Variants in SYNPO2 observed in about 807,000 individuals in gnomAD.
SYNPO2 encodes synaptopodin 2.
SYNPO2 carries 56 observed loss-of-function variants against 85.0 expected under a neutral mutation model. The observed-to-expected ratio is 0.66, with a 90% CI of 0.53 to 0.82. SYNPO2 has a LOEUF of 0.82. Ranked by LOEUF, SYNPO2 falls within the 40% of genes least tolerant of loss-of-function variation. SYNPO2 has a pLI of 0.00. For missense variants in SYNPO2, 1,575 were observed against 1,534.2 expected (o/e 1.03, Z -0.44); for synonymous variants, 602 against 591.1 (o/e 1.02, Z -0.27).
In SYNPO2 at chr4:118,866,186, C is replaced by T. The variant is rs1448446943; in HGVS notation, c.12+15246C>T. 3.3e-5 allele frequency among the ~76,000 whole-genome samples: 5 copies of T among 152,096 alleles called. No homozygotes were observed. In the East Asian group the frequency reaches 9.6e-4, roughly 29 times the overall value. ...TTGCAGTATTATTGACATTTTGGGC[C>T]AGATAATTCATTATTTGTGGTGTGA... On this transcript the variant is annotated intron_variant, in intron 1 of 4. Coordinates refer to the SYNPO2 transcript ENST00000610556.
intron 1 of SYNPO2, among the ~76,000 whole-genome samples, chr4:118,955,314 C>A (rs570625520): frequency 3.3e-5 from 5 of 152,194 alleles, no homozygotes; most frequent in African/African-American, 1.2e-4. Context: ...TTTTTAACAA[C>A]ATGCCAAACT....
intron 1 of SYNPO2, among the ~76,000 whole-genome samples, chr4:118,929,561 C>T (rs1001390177): frequency 1.3e-5 from 2 of 152,072 alleles, no homozygotes; most frequent in Admixed American, 6.6e-5. Context: ...ACTTGTACTT[C>T]ATTTATTCTT....
At chr4:119,050,721 T>A (rs1379706145) in intron 4 of SYNPO2, among the ~76,000 whole-genome samples, 16 of 152,044 alleles carry the variant, frequency 1.1e-4, no homozygotes, top group Admixed American at 1.0e-3. Context: ...TCAGTGGGAG[T>A]CTTGCATGCA....
chr4:119,038,094 T>G, intron 4 of SYNPO2: 11 of 961,536 alleles, frequency 1.1e-5, no homozygotes, highest in Non-Finnish European at 1.2e-5. Context: ...GATTTAGATA[T>G]TTGTCTGGCA....
At chr4:118,922,615 A>G (rs1046256624) in intron 1 of SYNPO2, among the ~76,000 whole-genome samples, 1 of 151,832 alleles carries the variant, frequency 6.6e-6, no homozygotes, top group Non-Finnish European at 1.5e-5. Flanking sequence ...ACTGGAACCT[A>G]CATGTTTATA....
At chr4:119,017,591 A>G (rs1578646606) in intron 1 of SYNPO2, among the ~76,000 whole-genome samples, 1 of 152,092 alleles carries the variant, frequency 6.6e-6, no homozygotes, top group Non-Finnish European at 1.5e-5. Context: ...TGAGATCACA[A>G]TCATCTCTCT....
chr4:118,941,392 C>T (rs564032854), intron 1 of SYNPO2, among the ~76,000 whole-genome samples: 116 of 152,160 alleles, frequency 7.6e-4, no homozygotes, highest in Non-Finnish European at 1.1e-3. Context: ...CAGCTCTTTC[C>T]TCACAATGCA....
intron 1 of SYNPO2, among the ~76,000 whole-genome samples, chr4:118,937,016 C>A (rs1186960692): frequency 2.0e-5 from 3 of 152,176 alleles, no homozygotes; most frequent in African/African-American, 7.2e-5. Context: ...TCATCATCAT[C>A]AGCCACTTGG....
At chr4:119,008,883 T>G (rs1737183936) in intron 1 of SYNPO2, among the ~76,000 whole-genome samples, 1 of 152,158 alleles carries the variant, frequency 6.6e-6, no homozygotes. Context: ...TTAATTAATG[T>G]GGAGATCGTT....
rs202207169 is a variant in SYNPO2, at chr4:119,026,870, T to A, written c.501T>A (p.Ala167=). Residue 167 remains alanine (A), a synonymous_variant, in exon 3 of 5, where the codon GCT becomes GCA. Coordinates refer to ENST00000307142, the MANE Select transcript of SYNPO2 (RefSeq NM_133477.3). ...KEETGPSYQR[A]PQMPDSQRGR... is the part of the protein sequence containing the mutation. ...AAACAGGCCCGAGCTACCAAAGGGCTCCCCAAATGCCTGACTCCCAAAGAG... is the reference window on the plus strand; with the variant it reads ...AAACAGGCCCGAGCTACCAAAGGGCACCCCAAATGCCTGACTCCCAAAGAG... The A allele has an allele frequency of 2.5e-6, 4 of 1,613,800 alleles. No homozygotes were observed. In the African/African-American group the frequency reaches 5.3e-5, roughly 22 times the overall value.
intron 4 of SYNPO2, among the ~76,000 whole-genome samples, chr4:119,056,631 G>A (rs961336342): frequency 2.6e-5 from 4 of 152,030 alleles, no homozygotes; most frequent in South Asian, 2.1e-4. Context: ...GAATGTTGCA[G>A]GGATACAAAC....
intron 1 of SYNPO2, among the ~76,000 whole-genome samples, chr4:118,975,611 G>A (rs1019195424): frequency 6.6e-6 from 1 of 152,144 alleles, no homozygotes; most frequent in Non-Finnish European, 1.5e-5. Flanking sequence ...TAGAAGAGCT[G>A]GGTTACCACA....
intron 1 of SYNPO2, among the ~76,000 whole-genome samples, chr4:118,932,052 A>G (rs999883297): frequency 9.2e-5 from 14 of 152,232 alleles, no homozygotes; most frequent in South Asian, 2.1e-4. Flanking sequence ...GCCTGCTGCT[A>G]TAAGTAAGCC....
intron 1 of SYNPO2, among the ~76,000 whole-genome samples, chr4:118,944,175 T>C (rs930083902): frequency 1.3e-5 from 2 of 152,092 alleles, no homozygotes; most frequent in African/African-American, 4.8e-5. Flanking sequence ...GGCTTTTTAG[T>C]GTCAAATCAA....
chr4:119,027,992 A>G (rs2149188498), intron 3 of SYNPO2, among the ~76,000 whole-genome samples: 1 of 152,304 alleles, frequency 6.6e-6, no homozygotes, highest in Non-Finnish European at 1.5e-5. Flanking sequence ...CCGTTGTGTA[A>G]GTCTTCATTT....
chr4:118,942,122 T>A (rs192980218), intron 1 of SYNPO2, among the ~76,000 whole-genome samples: 1 of 152,192 alleles, frequency 6.6e-6, no homozygotes, highest in South Asian at 2.1e-4. Flanking sequence ...ATATTAGGAA[T>A]TAACTAGCTC....
Position 119,028,560 on chromosome 4 carries a change from T to A in SYNPO2, c.1069+1122T>A, listed in dbSNP as rs1012333952. Among the ~76,000 whole-genome samples, 133 of 152,336 alleles carry A rather than the reference T, an allele frequency of 8.7e-4. 1 individual carries two copies. Among genetic ancestry groups the A allele is most frequent in the African/African-American group, 3.1e-3 (131 of 41,590 alleles). On this transcript the variant is annotated intron_variant, in intron 3 of 4. Coordinates refer to ENST00000307142, the MANE Select transcript of SYNPO2 (RefSeq NM_133477.3). ...AGCAGCAACTGTGCAACTGTGACTG[T>A]CAATTTAATAAGTTGTATAACACTA...
At position 119,031,461 on chromosome 4, in the gene SYNPO2, C is replaced by T; in HGVS notation, c.2686C>T (p.His896Tyr). 6.2e-7 allele frequency: 1 copy of T among 1,614,086 alleles called. No individual in the cohort carries two copies. The highest frequency in any genetic ancestry group is 8.5e-7 in the Non-Finnish European group (1 of 1,180,004). The change falls in exon 4 of 5, where the codon CAC becomes TAC. Residue 896 changes from histidine (H) to tyrosine (Y), a missense_variant. By Grantham distance (83) the His-to-Tyr change is moderately conservative. Transcript: ENST00000307142. Reference protein sequence around the residue: ...YVVDSDTVQAHAARAQSPTPS... With the variant: ...YVVDSDTVQAYAARAQSPTPS... ...GGTCGATTCAGACACGGTGCAGGCC[C>T]ACGCTGCTCGAGCTCAGTCTCCCAC...
At chr4:118,956,005 A>G (rs1319265230) in intron 1 of SYNPO2, among the ~76,000 whole-genome samples, 1 of 152,190 alleles carries the variant, frequency 6.6e-6, no homozygotes, top group Non-Finnish European at 1.5e-5. Flanking sequence ...TTATTAAGGG[A>G]AAATTAGTAG....
Sources: allele counts gnomAD v4.1 joint callset (sites outside exome capture counted in the v4.1 genomes callset), GRCh38; gene constraint gnomAD v4.1.1; transcripts MANE v1.5; gene names NCBI Gene and HGNC (gene_info 2026-07-23, HGNC 2026-07-21).